The following RFX7 variants were observed in gnomAD, a reference collection of about 807,000 sequenced individuals.
The protein encoded by RFX7 is DNA-binding protein RFX7.
A neutral mutation model predicts 111.8 loss-of-function variants in RFX7; 26 were observed. The observed-to-expected ratio is 0.23, with a 90% CI of 0.17 to 0.32. The LOEUF (loss-of-function observed/expected upper bound fraction) is 0.32, where lower values mean the gene tolerates loss of function less well. Among genes scored for constraint, RFX7 ranks in the 10% least tolerant of loss-of-function variants. RFX7 has a pLI of 1.00. For synonymous variants in RFX7, 624 were observed against 624.4 expected (o/e 1.00, Z 0.01); for missense variants, 1,573 against 1,772.9 (o/e 0.89, Z 2.02).
At chr15:56,124,636 T>TGGAAAA (rs2042119974) in intron 5 of RFX7, among the ~76,000 whole-genome samples, 1 of 152,212 alleles carries the variant, frequency 6.6e-6, no homozygotes, top group Non-Finnish European at 1.5e-5. Context: ...TCCACGTACC[T>TGGAAAA]ATGGCCATTT....
chr15:56,198,548 A>G (rs1362581436), intron 2 of RFX7, among the ~76,000 whole-genome samples: 1 of 152,182 alleles, frequency 6.6e-6, no homozygotes, highest in Non-Finnish European at 1.5e-5. Flanking sequence ...CACCATGAAG[A>G]TAAAATCAGC....
At chr15:56,217,746 A>T (rs140499156) in intron 2 of RFX7, among the ~76,000 whole-genome samples, 1 of 152,360 alleles carries the variant, frequency 6.6e-6, no homozygotes, top group African/African-American at 2.4e-5. Context: ...AATTGTACAC[A>T]GTTTTAATGA....
intron 3 of RFX7, among the ~76,000 whole-genome samples, chr15:56,175,793 T>A (rs1159358588): frequency 6.6e-6 from 1 of 152,082 alleles, no homozygotes; most frequent in Non-Finnish European, 1.5e-5. Flanking sequence ...AATAAAATCT[T>A]TATGAGAAGA....
intron 5 of RFX7, among the ~76,000 whole-genome samples, chr15:56,111,391 G>C (rs1470856684): frequency 6.6e-6 from 1 of 151,854 alleles, no homozygotes; most frequent in East Asian, 2.0e-4. Context: ...GTCCACTCAG[G>C]GTTAAATGGA....
intron 3 of RFX7, among the ~76,000 whole-genome samples, chr15:56,172,219 T>C (rs563942603): frequency 7.9e-5 from 12 of 152,112 alleles, no homozygotes; most frequent in Non-Finnish European, 1.6e-4. Flanking sequence ...AGGAGTGGTA[T>C]TAAAGATTTT....
chr15:56,088,074 GAAAA>G lies in RFX7; in HGVS notation c.*5267_*5270del. ...AGGTAAATCTAAAAGCAATAAAAAT[GAAAA>G]AGAATTGTTGACATATAAGGATGGG... is the stretch of plus-strand genomic sequence containing the variant. On this transcript the variant is annotated 3_prime_UTR_variant, in exon 10 of 10. Transcript: ENST00000559447. 4.8e-6 allele frequency: 1 copy of G among 208,390 alleles called. No individual in the cohort carries two copies. The highest frequency in any genetic ancestry group is 1.0e-5 in the Non-Finnish European group (1 of 98,694). 12.9% of individuals were successfully genotyped at this position (208,390 alleles called of 1,614,324 possible).
At chr15:56,145,541 T>C (rs1253247894) in intron 3 of RFX7, among the ~76,000 whole-genome samples, 1 of 152,166 alleles carries the variant, frequency 6.6e-6, no homozygotes, top group Non-Finnish European at 1.5e-5. Context: ...TACAGGTATT[T>C]TCCAATTGGC....
chr15:56,148,070 T>A (rs1475124996), intron 3 of RFX7, among the ~76,000 whole-genome samples: 10 of 152,224 alleles, frequency 6.6e-5, no homozygotes, highest in African/African-American at 2.4e-4. Flanking sequence ...GTCTTTTGAA[T>A]GAGGTAGCTG....
At chr15:56,101,252 C>A (rs1208071321) in intron 8 of RFX7, 107 bp downstream of exon 8, 2 of 883,040 alleles carry the variant, frequency 2.3e-6, no homozygotes, top group African/African-American at 3.4e-5. Context: ...TGAACACATG[C>A]AAGTACTAAA....
intron 3 of RFX7, among the ~76,000 whole-genome samples, chr15:56,169,110 T>A (rs1219270652): frequency 6.6e-6 from 1 of 152,044 alleles, no homozygotes; most frequent in South Asian, 2.1e-4. Context: ...ACAAAAGGAG[T>A]AGAACTTAGG....
intron 2 of RFX7, among the ~76,000 whole-genome samples, chr15:56,238,619 T>C (rs1234747096): frequency 1.3e-5 from 2 of 152,166 alleles, no homozygotes; most frequent in African/African-American, 4.8e-5. Context: ...TATGAGGTCT[T>C]GCCTGCAAAT....
At chr15:56,165,366 A>G (rs1468290690) in intron 3 of RFX7, among the ~76,000 whole-genome samples, 2 of 152,182 alleles carry the variant, frequency 1.3e-5, no homozygotes, top group Non-Finnish European at 2.9e-5. Context: ...CCTGGAAGGA[A>G]CCTGACTCAC....
Position 56,095,914 on chromosome 15 carries a change from C to T in RFX7, c.1814G>A (p.Arg605His), listed in dbSNP as rs749838701. Reference sequence around the variant, plus strand: ...CGTGCCTGGCAGCATTTCATTACAGCGACTTTTACATTTGGTCCTCTGGTC... The same window carrying T: ...CGTGCCTGGCAGCATTTCATTACAGTGACTTTTACATTTGGTCCTCTGGTC... ...VCDQRTKCKS[R>H]CNEMLPGTST... The change falls in exon 10 of 10, where the codon CGC (arginine) becomes CAC (histidine). Residue 605 changes from arginine (R) to histidine (H), a missense_variant. Physicochemically the swap from Arg to His is conservative, Grantham distance 29. Coordinates refer to ENST00000559447, the MANE Select transcript of RFX7 (RefSeq NM_022841.7). 1.0e-5 allele frequency: 16 copies of T among 1,605,370 alleles called. No individual in the cohort carries two copies. The Admixed American group carries it at 1.7e-4, about 17-fold the overall frequency.
intron 2 of RFX7, chr15:56,192,554 A>T (rs550877900): frequency 6.2e-6 from 1 of 161,028 alleles, no homozygotes; most frequent in African/African-American, 2.4e-5. Flanking sequence ...ACTACATAGC[A>T]GTGTCAGTGT....
chr15:56,151,865 TCC>T (rs2141049843), intron 3 of RFX7, among the ~76,000 whole-genome samples: 1 of 152,076 alleles, frequency 6.6e-6, no homozygotes, highest in East Asian at 1.9e-4. Flanking sequence ...TGGAGGAAGA[TCC>T]ACCAAGCAAA....
intron 2 of RFX7, among the ~76,000 whole-genome samples, chr15:56,214,115 C>A (rs1263784272): frequency 6.6e-6 from 1 of 152,040 alleles, no homozygotes; most frequent in Non-Finnish European, 1.5e-5. Flanking sequence ...AGTTATTTAA[C>A]CATGTGCAAA....
At chr15:56,103,280 A>G (rs778534713) in intron 6 of RFX7, among the ~76,000 whole-genome samples, 3 of 152,156 alleles carry the variant, frequency 2.0e-5, no homozygotes, top group Admixed American at 6.6e-5. Context: ...TGTTAAAACA[A>G]AGGAGATCAG....
chr15:56,196,246 A>T (rs1372944095), intron 2 of RFX7, among the ~76,000 whole-genome samples: 1 of 152,100 alleles, frequency 6.6e-6, no homozygotes, highest in Non-Finnish European at 1.5e-5. Context: ...TTTAAGGAAG[A>T]AAACTTTACA....
chr15:56,095,774 A>T lies in RFX7; in HGVS notation c.1954T>A (p.Cys652Ser), dbSNP rs199954510. ...AGTCGTTTTCTTGGGCTTTTAGTGCATAATTTAGGGTCTTTATTGATTGAG... is the reference window on the plus strand; with the variant it reads ...AGTCGTTTTCTTGGGCTTTTAGTGCTTAATTTAGGGTCTTTATTGATTGAG... ...GDSINKDPKL[C>S]TKSPRKRLSS... Residue 652 changes from cysteine to serine, a missense_variant, in exon 10 of 10, where the codon TGC (cysteine) becomes AGC (serine). Coordinates refer to ENST00000559447, the MANE Select transcript of RFX7 (RefSeq NM_022841.7). 957 of 1,613,622 alleles carry T rather than the reference A, an allele frequency of 5.9e-4. 1 individual carries two copies. Among genetic ancestry groups the T allele is most frequent in the Non-Finnish European group, 7.8e-4 (924 of 1,179,872 alleles).
Sources: allele counts gnomAD v4.1 joint callset (sites outside exome capture counted in the v4.1 genomes callset), GRCh38; gene constraint gnomAD v4.1.1; transcripts MANE v1.5; gene names NCBI Gene and HGNC (gene_info 2026-07-23, HGNC 2026-07-21).